C12orf42: variants seen among roughly 807,000 people sequenced by gnomAD.
C12orf42 encodes the protein chromosome 12 open reading frame 42, also known as uncharacterized protein C12orf42.
Under a neutral mutation model 21.6 loss-of-function variants are expected in C12orf42, and 25 were observed. That is an observed-to-expected ratio of 1.16 (90% CI 0.84 to 1.62). C12orf42 has a LOEUF of 1.62. C12orf42 is among the 40% of genes most tolerant of loss of function. C12orf42 has a pLI of 0.00. For synonymous variants in C12orf42, 174 were observed against 175.0 expected (o/e 0.99, Z 0.05); for missense variants, 483 against 459.3 (o/e 1.05, Z -0.47).
At chr12:103,305,867 A>G in intron 5 of C12orf42, 107 bp downstream of exon 5, 3 of 1,339,506 alleles carry the variant, frequency 2.2e-6, no homozygotes, top group Non-Finnish European at 3.0e-6. Context: ...TACCTTCTAG[A>G]ATAGGACTGG....
the C12orf42 span, among the ~76,000 whole-genome samples, chr12:103,520,087 G>C: frequency 2.6e-5 from 4 of 152,198 alleles, no homozygotes; most frequent in Non-Finnish European, 4.4e-5. Flanking sequence ...CGTGGAGGGT[G>C]AGCAGTGAAT....
chr12:103,066,984 G>A, the C12orf42 span, among the ~76,000 whole-genome samples: 1 of 152,140 alleles, frequency 6.6e-6, no homozygotes, highest in African/African-American at 2.4e-5. Context: ...GGTTTCACAT[G>A]GGCTCAGCAA....
chr12:103,097,466 C>T, the C12orf42 span, among the ~76,000 whole-genome samples: 2 of 152,104 alleles, frequency 1.3e-5, no homozygotes, highest in East Asian at 3.9e-4. Flanking sequence ...TTATGAAATC[C>T]AAATCAGTAA....
intron 1 of C12orf42, 63 bp downstream of exon 1, chr12:103,495,839 G>A (rs1177841814): frequency 2.0e-5 from 3 of 152,400 alleles, no homozygotes; most frequent in East Asian, 1.9e-4. Flanking sequence ...GAGCAGCAGA[G>A]AGCAAACGGT....
intron 2 of C12orf42, among the ~76,000 whole-genome samples, chr12:103,477,184 G>A (rs1355755425): frequency 6.6e-6 from 1 of 152,178 alleles, no homozygotes; most frequent in Non-Finnish European, 1.5e-5. Context: ...GGAGTGGGAA[G>A]TGTTATGAAG....
the C12orf42 span, among the ~76,000 whole-genome samples, chr12:103,533,135 T>TA: frequency 6.6e-6 from 1 of 152,246 alleles, no homozygotes; most frequent in South Asian, 2.1e-4. Flanking sequence ...TCGAGAGCAT[T>TA]AACTTTTTGC....
At chr12:103,232,890 G>A (rs533191775), downstream of C12orf42, among the ~76,000 whole-genome samples, 1 of 152,188 alleles carries the variant, frequency 6.6e-6, no homozygotes, top group Non-Finnish European at 1.5e-5. Flanking sequence ...ATATTTCGAA[G>A]TTTTGAGTTT....
chr12:103,433,204 A>G (rs1369798678), intron 2 of C12orf42, among the ~76,000 whole-genome samples: 1 of 152,258 alleles, frequency 6.6e-6, no homozygotes, highest in African/African-American at 2.4e-5. Context: ...TAAAACCACA[A>G]GAAATTCTTT....
intron 4 of C12orf42, among the ~76,000 whole-genome samples, chr12:103,342,764 G>T (rs745997782): frequency 6.7e-6 from 1 of 149,970 alleles, no homozygotes; most frequent in Non-Finnish European, 1.5e-5. Context: ...CATTAAATTA[G>T]AGCAATTACG....
rs116618939 is a variant in C12orf42, at chr12:103,388,999, T to A, written c.147+12608A>T. On this transcript the variant is annotated intron_variant, in intron 3 of 5. Transcript: ENST00000548883. ...TTGCTTTCCAGCCCCTGGGGTTGAG[T>A]TTAGCCCATGGTCCAAATTGAGACA... 2.5e-3 allele frequency among the ~76,000 whole-genome samples: 374 copies of A among 152,238 alleles called. 1 individual carries two copies. The highest frequency in any genetic ancestry group is 8.1e-3 in the African/African-American group (336 of 41,540).
intron 2 of C12orf42, among the ~76,000 whole-genome samples, chr12:103,412,536 G>C (rs113580104): frequency 0.013 from 1,915 of 152,298 alleles, 36 homozygotes; most frequent in African/African-American, 0.044. Context: ...GGGCATGGTG[G>C]TGGGCACCTC....
At chr12:103,079,809 C>T in the C12orf42 span, among the ~76,000 whole-genome samples, 3 of 152,168 alleles carry the variant, frequency 2.0e-5, no homozygotes, top group African/African-American at 7.2e-5. Context: ...GAACCATATC[C>T]TGGTTCTTAG....
At chr12:103,133,786 C>T in the C12orf42 span, among the ~76,000 whole-genome samples, 6 of 152,204 alleles carry the variant, frequency 3.9e-5, no homozygotes, top group Admixed American at 3.9e-4. Flanking sequence ...GTAATTGAAT[C>T]ATGGGGGCAG....
the C12orf42 span, among the ~76,000 whole-genome samples, chr12:103,222,080 G>A: frequency 6.6e-6 from 1 of 152,164 alleles, no homozygotes; most frequent in Non-Finnish European, 1.5e-5. Context: ...GATGTCATAT[G>A]CATATTTTTG....
chr12:103,141,041 G>A, the C12orf42 span, among the ~76,000 whole-genome samples: 1 of 152,196 alleles, frequency 6.6e-6, no homozygotes, highest in Non-Finnish European at 1.5e-5. Flanking sequence ...AGCATAAGGT[G>A]AAAGGAGTCA....
At chr12:103,558,564 T>A in the C12orf42 span, 1 of 152,248 alleles carries the variant, frequency 6.6e-6, no homozygotes, top group Non-Finnish European at 1.5e-5. Context: ...TTTAATATCA[T>A]CTTTTCATGT....
chr12:103,325,585 C>T (rs1255116433), intron 4 of C12orf42, among the ~76,000 whole-genome samples: 1 of 152,296 alleles, frequency 6.6e-6, no homozygotes, highest in East Asian at 1.9e-4. Context: ...GCTGAAGCTG[C>T]CTTGGGACAA....
chr12:103,534,774 C>T, the C12orf42 span, among the ~76,000 whole-genome samples: 1 of 152,104 alleles, frequency 6.6e-6, no homozygotes, highest in African/African-American at 2.4e-5. Context: ...ACTATCTTTT[C>T]AGAAATGTTT....
At chr12:103,233,208 C>A (rs1368084662), downstream of C12orf42, among the ~76,000 whole-genome samples, 1 of 152,204 alleles carries the variant, frequency 6.6e-6, no homozygotes, top group African/African-American at 2.4e-5. Flanking sequence ...GCCAATACCA[C>A]ACTGTCTTGA....
Sources: allele counts gnomAD v4.1 joint callset (sites outside exome capture counted in the v4.1 genomes callset), GRCh38; gene constraint gnomAD v4.1.1; transcripts MANE v1.5; gene names NCBI Gene and HGNC (gene_info 2026-07-23, HGNC 2026-07-21).